Variants in PAX3 observed in about 807,000 individuals in gnomAD.
PAX3 encodes paired box protein Pax-3.
A neutral mutation model predicts 51.6 loss-of-function variants in PAX3; 14 were observed. The observed-to-expected ratio is 0.27, with a 90% CI of 0.18 to 0.42. The LOEUF (loss-of-function observed/expected upper bound fraction) is 0.42. Ranked by LOEUF, PAX3 falls within the 10% of genes least tolerant of loss-of-function variation. The pLI, the probability that PAX3 is intolerant of heterozygous loss-of-function variation, is 1.00. For missense variants in PAX3, 540 were observed against 642.8 expected (o/e 0.84, Z 1.73); for synonymous variants, 280 against 253.4 (o/e 1.11, Z -1.00).
intron 4 of PAX3, among the ~76,000 whole-genome samples, chr2:222,289,928 C>T (rs564324921): frequency 6.6e-6 from 1 of 152,198 alleles, no homozygotes; most frequent in African/African-American, 2.4e-5. Context: ...AAGTCAAATT[C>T]GTGATCCTAA....
chr2:222,287,905 A>T (rs1694888948), intron 4 of PAX3, among the ~76,000 whole-genome samples: 2 of 152,238 alleles, frequency 1.3e-5, no homozygotes, highest in African/African-American at 4.8e-5. Context: ...TTAGTACTGA[A>T]ATGAGCACAA....
intron 6 of PAX3, 96 bp downstream of exon 6, chr2:222,221,126 G>T: frequency 8.9e-7 from 1 of 1,125,758 alleles, no homozygotes; most frequent in South Asian, 1.2e-5. Flanking sequence ...TTAACAACAT[G>T]GTGTCAGTAC....
At position 222,295,555 on chromosome 2, in the gene PAX3, C is replaced by A. The variant is rs1193030438; in HGVS notation, c.424G>T (p.Val142Phe). The change falls in exon 3 of 9, where the codon GTC (valine) becomes TTC (phenylalanine). Residue 142 changes from valine to phenylalanine, a missense_variant. Val to Phe is a conservative substitution (Grantham distance 50). Transcript: ENST00000392070. ...EIRDKLLKDA[V>F]CDRNTVPSVS... ...GACGGCACGGTGTTTCGATCACAGA[C>A]CGCGTCCTTGAGTAATTTGTCTCGG... 1 of 1,614,100 alleles carries A rather than the reference C, an allele frequency of 6.2e-7. No individual in the cohort carries two copies. Among genetic ancestry groups the A allele is most frequent in the Admixed American group, 1.7e-5 (1 of 60,006 alleles).
At chr2:222,201,911 G>T in intron 8 of PAX3, 33 bp downstream of exon 8, 1 of 1,613,976 alleles carries the variant, frequency 6.2e-7, no homozygotes, top group Non-Finnish European at 8.5e-7. Context: ...TCCCTTCCAG[G>T]AGAAATTGCC....
intron 7 of PAX3, among the ~76,000 whole-genome samples, chr2:222,216,996 T>C (rs1194949543): frequency 1.3e-5 from 2 of 152,112 alleles, no homozygotes; most frequent in East Asian, 1.9e-4. Flanking sequence ...TCGGTGTAAA[T>C]TGACAGATGG....
At chr2:222,290,945 A>T (rs1186325370) in intron 4 of PAX3, among the ~76,000 whole-genome samples, 2 of 149,994 alleles carry the variant, frequency 1.3e-5, no homozygotes, top group Non-Finnish European at 3.0e-5. Context: ...AAAGAGGAGA[A>T]GAAGGGGGGA....
At chr2:222,284,151 A>C (rs1455716439) in intron 4 of PAX3, among the ~76,000 whole-genome samples, 1 of 152,248 alleles carries the variant, frequency 6.6e-6, no homozygotes, top group African/African-American at 2.4e-5. Context: ...TGCACAAAGA[A>C]AAAAGAATGC....
At chr2:222,241,339 TG>T (rs2106110830) in intron 4 of PAX3, among the ~76,000 whole-genome samples, 1 of 152,320 alleles carries the variant, frequency 6.6e-6, no homozygotes, top group East Asian at 1.9e-4. Context: ...GTTAATGAAC[TG>T]GGTAATTGAG....
At position 222,291,969 on chromosome 2, in the gene PAX3, G is replaced by GGTGTGTGTGT. The variant is rs3997675; in HGVS notation, c.586+2188_586+2197dup. Among the ~76,000 whole-genome samples, 321 of 133,726 alleles carry GGTGTGTGTGT rather than the reference G, an allele frequency of 2.4e-3. 1 individual carries two copies. The highest frequency in any genetic ancestry group is 7.3e-3 in the Middle Eastern group (2 of 274). The allele number at this position is 133,726 out of a possible 152,430, so 87.7% of individuals were successfully genotyped here. A position where few individuals can be genotyped will look rare whatever the true frequency, so the allele number is the denominator to read the frequency against. On this transcript the variant is annotated intron_variant, in intron 4 of 8. Coordinates refer to ENST00000392070, the MANE Select transcript of PAX3 (RefSeq NM_181458.4). ...AATTAAATCAGGCTTCAGCCTCCAA[G>GGTGTGTGTGT]GTGTGTGTGTGTGTGTGTGTGTGTG...
chr2:222,291,972 GTGT>G (rs1559314405), intron 4 of PAX3, among the ~76,000 whole-genome samples: 3 of 20,894 alleles, frequency 1.4e-4, no homozygotes, highest in Non-Finnish European at 2.6e-4. Context: ...CCTCCAAGGT[GTGT>G]GTGTGTGTGT....
At chr2:222,296,019 C>A (rs1018246456) in intron 2 of PAX3, among the ~76,000 whole-genome samples, 2 of 152,016 alleles carry the variant, frequency 1.3e-5, no homozygotes, top group South Asian at 2.1e-4. Flanking sequence ...ACTAAAAAAG[C>A]GATGTTTGAA....
rs1695127551 is a variant in PAX3 at position 222,293,614 on chromosome 2, A to G, written c.586+553T>C. The G allele has an allele frequency of 9.9e-6, 16 of 1,611,716 alleles. No homozygotes were observed. In the South Asian group the frequency reaches 1.5e-4, roughly 16 times the overall value. On this transcript the variant is annotated intron_variant, in intron 4 of 8. Transcript: ENST00000392070. ...TAAACCCCCTCACATTTGAAAATCA[A>G]CTTCAAACAAATCAAACCAGTCAAC...
chr2:222,247,614 A>G (rs1158882603), intron 4 of PAX3, among the ~76,000 whole-genome samples: 1 of 152,044 alleles, frequency 6.6e-6, no homozygotes. Context: ...TTGAGTTCTA[A>G]ATTCTGGCTT....
chr2:222,260,560 T>G (rs1248362961), intron 4 of PAX3, among the ~76,000 whole-genome samples: 2 of 63,394 alleles, frequency 3.2e-5, no homozygotes, highest in Admixed American at 2.6e-4. Context: ...AAGTTTTTTT[T>G]TTTTGTTTTT....
intron 4 of PAX3, among the ~76,000 whole-genome samples, chr2:222,249,130 A>C (rs544614501): frequency 6.6e-6 from 1 of 152,324 alleles, no homozygotes; most frequent in East Asian, 1.9e-4. Context: ...CACCCCCACC[A>C]GACTGTTATT....
rs1695435675 is a variant in PAX3 at position 222,298,574 on chromosome 2, C to G, written c.42G>C (p.Pro14=). The G allele has an allele frequency of 1.2e-6, 2 of 1,608,522 alleles. No homozygotes were observed. Among genetic ancestry groups the G allele is most frequent in the Non-Finnish European group, 1.7e-6 (2 of 1,177,936 alleles). The stretch of plus-strand genomic sequence containing the variant: ...TACGCGGGTAGTTCTGCCCCGGGCC[C>G]GGCCGCATCATCCTGGGCACAGCGC... ...LAGAVPRMMR[P]GPGQNYPRSG... Residue 14 remains proline (P), a synonymous_variant, in exon 1 of 9, where the codon CCG becomes CCC. Transcript: ENST00000392070.
At position 222,285,021 on chromosome 2, in the gene PAX3, G is replaced by A. The variant is rs142121417; in HGVS notation, c.586+9146C>T. ...GATCTGAAAAGGTACTTTGGAGTGT[G>A]TTTAAATCAAACAAGACAAAAAGCA... On this transcript the variant is annotated intron_variant, in intron 4 of 8. Coordinates refer to ENST00000392070, the MANE Select transcript of PAX3 (RefSeq NM_181458.4). 6.0e-4 allele frequency among the ~76,000 whole-genome samples: 91 copies of A among 152,310 alleles called. 1 individual carries two copies. The South Asian group carries it at 9.9e-3, about 17-fold the overall frequency.
Position 222,232,284 on chromosome 2 carries a change from C to T in PAX3, c.587-1G>A. On this transcript the variant is annotated splice_acceptor_variant, in intron 4 of 8. Transcript: ENST00000392070. LOFTEE classifies it high-confidence loss of function. ...CCTTCATCTGATTGGGGTGCTGAGG[C>T]TAAAAGCACAGAAGAACAAAACATC... The T allele has an allele frequency of 1.2e-6, 2 of 1,612,590 alleles. No homozygotes were observed. The highest frequency in any genetic ancestry group is 1.7e-6 in the Non-Finnish European group (2 of 1,178,876).
chr2:222,236,256 TTTTG>T (rs930197456), intron 4 of PAX3, among the ~76,000 whole-genome samples: 10 of 152,118 alleles, frequency 6.6e-5, no homozygotes, highest in Admixed American at 2.0e-4. Flanking sequence ...ATCATTTCAT[TTTTG>T]TTTGTTTGTT....
Sources: gnomAD v4.1 joint callset for allele counts (sites outside exome capture counted in the v4.1 genomes callset) on GRCh38, gnomAD v4.1.1 for gene constraint, MANE v1.5 for transcripts, NCBI Gene and HGNC (gene_info 2026-07-23, HGNC 2026-07-21) for gene names.